EYS: variants seen among roughly 807,000 people sequenced by gnomAD.
EYS encodes EGF-like photoreceptor maintenance factor.
In EYS, 250 loss-of-function variants were observed where a neutral mutation model predicts 282.1. That is an observed-to-expected ratio of 0.89 (90% confidence interval 0.80 to 0.98). The LOEUF (loss-of-function observed/expected upper bound fraction) is 0.98, where lower values mean the gene tolerates loss of function less well. Ranked by LOEUF, EYS falls within the 50% of genes least tolerant of loss-of-function variation. EYS has a pLI of 0.00. For missense variants in EYS, 4,016 were observed against 3,709.0 expected, an observed-to-expected ratio of 1.08 and a Z score of -2.15; for synonymous variants, 1,355 against 1,282.9, an observed-to-expected ratio of 1.06 and a Z score of -1.20.
chr6:65,399,206 A>G (rs1351912865), intron 7 of EYS, among the ~76,000 whole-genome samples: 1 of 152,074 alleles, frequency 6.6e-6, no homozygotes, highest in Non-Finnish European at 1.5e-5. Flanking sequence ...GTAAGTTTCT[A>G]ATGAAAAGAG....
chr6:65,039,910 T>C (rs912608717), intron 13 of EYS, among the ~76,000 whole-genome samples: 8 of 151,630 alleles, frequency 5.3e-5, no homozygotes, highest in Non-Finnish European at 1.2e-4. Flanking sequence ...AAAATAAATA[T>C]TACCTCATTT....
intron 35 of EYS, among the ~76,000 whole-genome samples, chr6:63,886,599 TG>T (rs1345238124): frequency 4.6e-5 from 7 of 152,168 alleles, no homozygotes; most frequent in African/African-American, 1.7e-4. Context: ...GATGATGAGG[TG>T]CTAAAGAAGT....
intron 13 of EYS, among the ~76,000 whole-genome samples, chr6:65,045,206 T>C (rs1437824803): frequency 2.6e-5 from 4 of 151,870 alleles, no homozygotes; most frequent in Admixed American, 2.6e-4. Flanking sequence ...CTCTCCTAAG[T>C]CCACAATATC....
chr6:64,034,748 G>A (rs1037430360), intron 33 of EYS, among the ~76,000 whole-genome samples: 1 of 152,002 alleles, frequency 6.6e-6, no homozygotes, highest in African/African-American at 2.4e-5. Flanking sequence ...ATTAGGCCAG[G>A]AAATAATCCA....
At chr6:65,560,367 T>TAATACA (rs1769004394) in intron 2 of EYS, among the ~76,000 whole-genome samples, 1 of 146,270 alleles carries the variant, frequency 6.8e-6, no homozygotes, top group Admixed American at 7.0e-5. Context: ...TAACATAAAA[T>TAATACA]AATACATTAT....
chr6:64,398,593 A>G (rs1773453858), intron 28 of EYS, among the ~76,000 whole-genome samples: 1 of 152,012 alleles, frequency 6.6e-6, no homozygotes, highest in Admixed American at 6.6e-5. Flanking sequence ...ACATCCAAAC[A>G]CATTTATCCA....
chr6:64,769,952 C>T (rs182287352), intron 22 of EYS, among the ~76,000 whole-genome samples: 6 of 152,006 alleles, frequency 3.9e-5, no homozygotes, highest in Admixed American at 2.0e-4. Flanking sequence ...TACACACACA[C>T]ATACAGATGT....
At position 64,099,237 on chromosome 6, in the gene EYS, T is replaced by G. The variant is rs375704513; in HGVS notation, c.6425-17235A>C. ...GGCTAGTATGGAAAGTCTTTGGAAA[T>G]GAGTGTTTGAGAATGACAATGAATA... On this transcript the variant is annotated intron_variant, in intron 31 of 42. Transcript: ENST00000503581. Among the ~76,000 whole-genome samples the G allele has an allele frequency of 3.3e-5, 5 of 152,306 alleles. No individual in the cohort carries two copies. The East Asian group carries it at 7.7e-4, about 23-fold the overall frequency.
chr6:64,136,811 T>G (rs1406113682), intron 31 of EYS, among the ~76,000 whole-genome samples: 1 of 152,124 alleles, frequency 6.6e-6, no homozygotes, highest in Non-Finnish European at 1.5e-5. Flanking sequence ...AGAGTAGATT[T>G]AATATAACTC....
intron 30 of EYS, among the ~76,000 whole-genome samples, chr6:64,278,046 A>T (rs1768173061): frequency 6.6e-6 from 1 of 152,288 alleles, no homozygotes; most frequent in Non-Finnish European, 1.5e-5. Context: ...GGGCATGTAG[A>T]AGGTAATTAT....
At chr6:63,935,561 G>A (rs1765033761) in intron 35 of EYS, among the ~76,000 whole-genome samples, 1 of 152,142 alleles carries the variant, frequency 6.6e-6, no homozygotes, top group Admixed American at 6.5e-5. Context: ...GGAAATTTGG[G>A]CACACAGAAA....
chr6:64,312,686 C>T (rs1160830964), intron 29 of EYS, among the ~76,000 whole-genome samples: 1 of 152,160 alleles, frequency 6.6e-6, no homozygotes, highest in Admixed American at 6.5e-5. Context: ...GAGGAAGGAA[C>T]AGACAGAAAT....
intron 26 of EYS, among the ~76,000 whole-genome samples, chr6:64,464,421 A>C (rs1735980678): frequency 6.6e-6 from 1 of 152,172 alleles, no homozygotes; most frequent in Non-Finnish European, 1.5e-5. Flanking sequence ...CATTTAACGT[A>C]ATCCTGGAAG....
chr6:64,013,372 G>C (rs10944281), intron 33 of EYS, among the ~76,000 whole-genome samples: 43,475 of 152,036 alleles, frequency 0.29, 6,418 homozygotes, highest in South Asian at 0.39. Context: ...GTTTTCTTTA[G>C]CCGGTAAAAG....
At chr6:65,402,163 C>T (rs556695052) in intron 7 of EYS, among the ~76,000 whole-genome samples, 1 of 148,814 alleles carries the variant, frequency 6.7e-6, no homozygotes, top group Admixed American at 6.7e-5. Flanking sequence ...GGAGACATAT[C>T]TCTCTCTTTT....
chr6:64,855,013 T>C (rs1217441418), intron 19 of EYS, among the ~76,000 whole-genome samples: 1 of 152,190 alleles, frequency 6.6e-6, no homozygotes, highest in East Asian at 1.9e-4. Context: ...CTGGTTTACA[T>C]AGTTTCTGAC....
chr6:64,917,890 A>G (rs1768215137), intron 15 of EYS, among the ~76,000 whole-genome samples: 1 of 152,126 alleles, frequency 6.6e-6, no homozygotes, highest in Admixed American at 6.5e-5. Flanking sequence ...ATTTCAACCA[A>G]AACTGCTAGG....
chr6:64,274,127 G>T (rs1768028988), intron 30 of EYS, among the ~76,000 whole-genome samples: 1 of 152,090 alleles, frequency 6.6e-6, no homozygotes, highest in Non-Finnish European at 1.5e-5. Flanking sequence ...TCACTTTCAG[G>T]TCTATACGCT....
intron 31 of EYS, among the ~76,000 whole-genome samples, chr6:64,157,345 G>T (rs1377314757): frequency 6.6e-6 from 1 of 152,100 alleles, no homozygotes; most frequent in African/African-American, 2.4e-5. Context: ...GAGCATAAAA[G>T]TTCAGAAAAT....
Sources: allele counts gnomAD v4.1 joint callset (sites outside exome capture counted in the v4.1 genomes callset), GRCh38; gene constraint gnomAD v4.1.1; transcripts MANE v1.5; gene names NCBI Gene and HGNC (gene_info 2026-07-23, HGNC 2026-07-21).